KCNIP4: variants seen among roughly 807,000 people sequenced by gnomAD.
The protein encoded by KCNIP4 is potassium voltage-gated channel interacting protein 4, also known as Kv channel-interacting protein 4.
In KCNIP4, 12 loss-of-function variants were observed where a neutral mutation model predicts 34.0. The observed-to-expected ratio is 0.35, with a 90% CI of 0.23 to 0.57. The LOEUF is 0.57. KCNIP4 is among the 20% of genes least tolerant of loss of function. The pLI, the probability that KCNIP4 is intolerant of heterozygous loss-of-function variation, is 0.83. For synonymous variants in KCNIP4, 124 were observed against 102.2 expected, an observed-to-expected ratio of 1.21 and a Z score of -1.29; for missense variants, 238 against 311.7, an observed-to-expected ratio of 0.76 and a Z score of 1.78.
chr4:20,803,074 C>CAAAAAA (rs4054902), intron 3 of KCNIP4, among the ~76,000 whole-genome samples: 2 of 78,330 alleles, frequency 2.6e-5, no homozygotes, highest in Admixed American at 1.6e-4. Flanking sequence ...GACTCTGCCT[C>CAAAAAA]AAAAAAAAAA....
intron 1 of KCNIP4, among the ~76,000 whole-genome samples, chr4:21,194,598 C>T (rs1389438524): frequency 6.6e-6 from 1 of 152,142 alleles, no homozygotes; most frequent in Admixed American, 6.5e-5. Flanking sequence ...GGCCATGTTC[C>T]TGAGACAGGG....
At chr4:21,444,852 G>A (rs578093557) in intron 1 of KCNIP4, among the ~76,000 whole-genome samples, 1 of 152,308 alleles carries the variant, frequency 6.6e-6, no homozygotes, top group Admixed American at 6.5e-5. Context: ...GTTTGCAGAT[G>A]ACATGATTGT....
chr4:21,430,720 G>T (rs929085473), intron 1 of KCNIP4, among the ~76,000 whole-genome samples: 1 of 152,076 alleles, frequency 6.6e-6, no homozygotes, highest in Non-Finnish European at 1.5e-5. Flanking sequence ...TAATAGGTAA[G>T]AAATCTGAGT....
intron 3 of KCNIP4, among the ~76,000 whole-genome samples, chr4:20,813,471 T>C (rs1716016456): frequency 6.6e-6 from 1 of 152,152 alleles, no homozygotes; most frequent in Non-Finnish European, 1.5e-5. Context: ...TCATACAATA[T>C]GTTTTTGCCT....
At chr4:21,030,994 C>T (rs183066152) in intron 1 of KCNIP4, among the ~76,000 whole-genome samples, 2 of 152,246 alleles carry the variant, frequency 1.3e-5, no homozygotes, top group Admixed American at 6.5e-5. Context: ...CAGAGAAACA[C>T]CTTCAAAGGA....
intron 1 of KCNIP4, among the ~76,000 whole-genome samples, chr4:21,305,655 T>C (rs932668379): frequency 1.3e-5 from 2 of 152,214 alleles, no homozygotes; most frequent in African/African-American, 4.8e-5. Context: ...ATCCGGTACC[T>C]CCTTGAGGAT....
At chr4:21,263,969 G>T (rs1030634814) in intron 1 of KCNIP4, among the ~76,000 whole-genome samples, 1 of 134,608 alleles carries the variant, frequency 7.4e-6, no homozygotes, top group Non-Finnish European at 1.6e-5. Flanking sequence ...ATATATATAC[G>T]TGTGTGTGTG....
At chr4:21,109,700 C>T (rs964806402) in intron 1 of KCNIP4, among the ~76,000 whole-genome samples, 9 of 152,298 alleles carry the variant, frequency 5.9e-5, no homozygotes, top group East Asian at 3.9e-4. Context: ...GCATGACTCA[C>T]GCTGGGAGCT....
At chr4:20,792,608 T>G (rs1339775592) in intron 3 of KCNIP4, among the ~76,000 whole-genome samples, 1 of 152,178 alleles carries the variant, frequency 6.6e-6, no homozygotes, top group Non-Finnish European at 1.5e-5. Context: ...CACTCTGTGT[T>G]AGTCAAAAGA....
At position 20,729,618 on chromosome 4, in the gene KCNIP4, T is replaced by TTTAAATGGA. The variant is rs1747381239; in HGVS notation, c.*455_*463dup. 1 of 69,872 alleles carries TTTAAATGGA rather than the reference T, an allele frequency of 1.4e-5. No homozygotes were observed. Among genetic ancestry groups the TTTAAATGGA allele is most frequent in the Non-Finnish European group, 3.1e-5 (1 of 32,756 alleles). 4.3% of individuals were successfully genotyped at this position (69,872 alleles called of 1,614,324 possible). A position where few individuals can be genotyped will look rare whatever the true frequency, so the allele number is the denominator to read the frequency against. On this transcript the variant is annotated 3_prime_UTR_variant, in exon 9 of 9. Transcript: ENST00000382152. ...GTTTCCTTAAAGTATATAAATGGAA[T>TTTAAATGGA]TTAAATGGAATTACAGCATTCAAAC...
chr4:21,241,886 C>T (rs924098380), intron 1 of KCNIP4, among the ~76,000 whole-genome samples: 12 of 151,950 alleles, frequency 7.9e-5, no homozygotes, highest in Non-Finnish European at 1.6e-4. Context: ...TTATGTTGGC[C>T]GGGCGTGGTG....
intron 1 of KCNIP4, among the ~76,000 whole-genome samples, chr4:21,472,532 T>A (rs902683622): frequency 5.3e-5 from 8 of 152,164 alleles, no homozygotes; most frequent in African/African-American, 1.4e-4. Context: ...TGTTAGATGA[T>A]GAGGTTTTTG....
chr4:21,733,643 T>C lies in KCNIP4; in HGVS notation c.61+214928A>G, dbSNP rs1005970006. On this transcript the variant is annotated intron_variant, in intron 1 of 8. Coordinates refer to ENST00000382152, the MANE Select transcript of KCNIP4 (RefSeq NM_025221.6). ...AGCTGTGGAATGATGTTTTTGAATA[T>C]GTTCATGTCCTTAAGTACCCGAGCG... 2.6e-5 allele frequency among the ~76,000 whole-genome samples: 4 copies of C among 152,174 alleles called. No individual in the cohort carries two copies. The South Asian group carries it at 6.2e-4, about 24-fold the overall frequency.
chr4:21,618,136 T>C lies in KCNIP4; in HGVS notation c.61+330435A>G, dbSNP rs1008535753. 2.6e-5 allele frequency among the ~76,000 whole-genome samples: 4 copies of C among 152,186 alleles called. 1 individual carries two copies. Among genetic ancestry groups the C allele is most frequent in the East Asian group, 1.9e-4 (1 of 5,196 alleles). ...TAATAGGAATATATTTGTTTTACAT[T>C]GGCATCAGTTCAGTTTGCTGTGGTA... On this transcript the variant is annotated intron_variant, in intron 1 of 8. Coordinates refer to ENST00000382152, the MANE Select transcript of KCNIP4 (RefSeq NM_025221.6).
intron 1 of KCNIP4, among the ~76,000 whole-genome samples, chr4:21,757,102 AG>A (rs1275655918): frequency 0.013 from 29 of 2,224 alleles, no homozygotes; most frequent in African/African-American, 0.042. Flanking sequence ...TCTCAAAAAA[AG>A]AAAGAAAGAA....
chr4:21,219,093 A>C (rs1227781180), intron 1 of KCNIP4, among the ~76,000 whole-genome samples: 1 of 152,206 alleles, frequency 6.6e-6, no homozygotes, highest in African/African-American at 2.4e-5. Context: ...CACAAAAGCA[A>C]CAAAGGTTGC....
intron 1 of KCNIP4, among the ~76,000 whole-genome samples, chr4:20,926,386 G>T (rs1291040711): frequency 6.6e-6 from 1 of 152,144 alleles, no homozygotes; most frequent in Non-Finnish European, 1.5e-5. Context: ...TGAAAGATTG[G>T]ACAATAGATT....
chr4:20,794,630 T>C (rs1444343945), intron 3 of KCNIP4, among the ~76,000 whole-genome samples: 1 of 151,436 alleles, frequency 6.6e-6, no homozygotes, highest in Non-Finnish European at 1.5e-5. Context: ...ACTGAATAAC[T>C]CTAAGATGGA....
intron 1 of KCNIP4, among the ~76,000 whole-genome samples, chr4:21,131,515 C>G (rs1014330940): frequency 3.3e-5 from 5 of 152,132 alleles, no homozygotes; most frequent in African/African-American, 1.2e-4. Context: ...GAGATTGAGG[C>G]AGGAGAACGG....
Sources: gnomAD v4.1 joint callset for allele counts (sites outside exome capture counted in the v4.1 genomes callset) on GRCh38, gnomAD v4.1.1 for gene constraint, MANE v1.5 for transcripts, NCBI Gene and HGNC (gene_info 2026-07-23, HGNC 2026-07-21) for gene names.